Variants in CTTNBP2 observed in about 807,000 individuals in gnomAD.
CTTNBP2 encodes cortactin-binding protein 2.
CTTNBP2 carries 108 observed loss-of-function variants against 156.9 expected under a neutral mutation model. That is an observed-to-expected ratio of 0.69 (90% confidence interval 0.59 to 0.81). The LOEUF (loss-of-function observed/expected upper bound fraction) is 0.81. Among genes scored for constraint, CTTNBP2 ranks in the 30% least tolerant of loss-of-function variants. The pLI is 0.00. For synonymous variants in CTTNBP2, 767 were observed against 751.8 expected (o/e 1.02, Z -0.33); for missense variants, 1,924 against 2,035.4 (o/e 0.95, Z 1.05).
At position 117,717,933 on chromosome 7, in the gene CTTNBP2, CTG is replaced by C. The variant is rs765559397; in HGVS notation, c.4746+83_4746+84del. The C allele has an allele frequency of 2.7e-5, 23 of 845,428 alleles. 1 individual carries two copies. The East Asian group carries it at 3.7e-4, about 14-fold the overall frequency. The allele number at this position is 845,428 out of a possible 1,614,324, so 52.4% of individuals were successfully genotyped here. The stretch of plus-strand genomic sequence containing the variant: ...TTAGCTTTGGTTTAAAAAAATAACT[CTG>C]TGATTCACACTGAAAGATGATTTGT... On this transcript the variant is annotated intron_variant, in intron 22 of 22. Transcript: ENST00000160373.
intron 1 of CTTNBP2, among the ~76,000 whole-genome samples, chr7:117,873,000 C>G (rs1446626983): frequency 6.6e-6 from 1 of 152,180 alleles, no homozygotes; most frequent in Non-Finnish European, 1.5e-5. Context: ...TCCCAGCCTT[C>G]TCCCCCGGCC....
At chr7:117,801,883 G>A (rs1799626759) in intron 3 of CTTNBP2, among the ~76,000 whole-genome samples, 1 of 151,976 alleles carries the variant, frequency 6.6e-6, no homozygotes. Context: ...TTAAAAGTTT[G>A]GAAAATGTTT....
chr7:117,735,416 G>T lies in CTTNBP2; in HGVS notation c.3541C>A (p.Leu1181Met). The T allele has an allele frequency of 6.2e-7, 1 of 1,601,026 alleles. No individual in the cohort carries two copies. ...LLDLFISSAC[L>M]IPVKQSPSKK... ...CTGGGAGATTGTTTCACTGGGATCA[G>T]ACAAGCTATAATAAAAAAGGAAATT... is the stretch of plus-strand genomic sequence containing the variant. The change falls in exon 15 of 23, where the codon CTG (leucine) becomes ATG (methionine). Residue 1181 changes from leucine (L) to methionine (M), a missense_variant. Leu to Met is a conservative substitution (Grantham distance 15). Coordinates refer to ENST00000160373, the MANE Select transcript of CTTNBP2 (RefSeq NM_033427.3).
intron 8 of CTTNBP2, among the ~76,000 whole-genome samples, chr7:117,773,700 CA>C (rs1562992502): frequency 0.011 from 1,326 of 125,602 alleles, 25 homozygotes; most frequent in African/African-American, 0.026. Context: ...CACACACACA[CA>C]CACACACCCC....
intron 2 of CTTNBP2, among the ~76,000 whole-genome samples, chr7:117,823,401 A>G (rs1801085945): frequency 6.6e-6 from 1 of 152,234 alleles, no homozygotes; most frequent in African/African-American, 2.4e-5. Flanking sequence ...AATTTGCTTT[A>G]ATAGCTTAGA....
intron 3 of CTTNBP2, chr7:117,793,478 T>C (rs1335325550): frequency 6.6e-6 from 1 of 152,366 alleles, no homozygotes; most frequent in Non-Finnish European, 1.5e-5. Flanking sequence ...TTCCTAAACA[T>C]GGTCCTGCCT....
intron 3 of CTTNBP2, among the ~76,000 whole-genome samples, chr7:117,801,720 T>C (rs913738721): frequency 7.2e-5 from 11 of 152,094 alleles, no homozygotes; most frequent in Non-Finnish European, 1.5e-4. Context: ...GGAAAAAACA[T>C]CTGTGTGTGT....
At chr7:117,810,056 A>G (rs1177228063) in intron 3 of CTTNBP2, among the ~76,000 whole-genome samples, 1 of 152,128 alleles carries the variant, frequency 6.6e-6, no homozygotes, top group Non-Finnish European at 1.5e-5. Context: ...ACAAGTTTTC[A>G]TTGAACTTTG....
At chr7:117,838,611 T>A (rs537223599) in intron 2 of CTTNBP2, among the ~76,000 whole-genome samples, 38 of 152,192 alleles carry the variant, frequency 2.5e-4, no homozygotes, top group Non-Finnish European at 4.7e-4. Context: ...ATGAATTCAG[T>A]CATTTTAACA....
At chr7:117,821,261 T>C (rs941898725) in intron 2 of CTTNBP2, among the ~76,000 whole-genome samples, 6 of 152,134 alleles carry the variant, frequency 3.9e-5, no homozygotes, top group Non-Finnish European at 8.8e-5. Context: ...ACAAAAGTGC[T>C]GTAAAAGTGC....
intron 2 of CTTNBP2, among the ~76,000 whole-genome samples, chr7:117,839,507 T>C (rs7799738): frequency 0.012 from 1,793 of 152,336 alleles, 34 homozygotes; most frequent in African/African-American, 0.041. Flanking sequence ...AACACACTTG[T>C]AATGTGACAA....
chr7:117,804,652 C>T lies in CTTNBP2; in HGVS notation c.414+6113G>A, dbSNP rs532577338. ...GGATGGAGCTGGAAGCTATTATTCT[C>T]AGCAAACTAACATAGGAACAGAAAA... is the stretch of plus-strand genomic sequence containing the variant. On this transcript the variant is annotated intron_variant, in intron 3 of 22. Coordinates refer to ENST00000160373, the MANE Select transcript of CTTNBP2 (RefSeq NM_033427.3). Among the ~76,000 whole-genome samples the T allele has an allele frequency of 5.3e-5, 8 of 152,300 alleles. No individual in the cohort carries two copies. The South Asian group carries it at 1.7e-3, about 32-fold the overall frequency.
At chr7:117,772,812 A>G (rs1469924173) in intron 8 of CTTNBP2, among the ~76,000 whole-genome samples, 2 of 152,132 alleles carry the variant, frequency 1.3e-5, no homozygotes, top group Admixed American at 1.3e-4. Context: ...CAAAACCCAG[A>G]TCCATGAAAG....
chr7:117,799,842 G>A (rs1461495467), intron 3 of CTTNBP2, among the ~76,000 whole-genome samples: 1 of 151,962 alleles, frequency 6.6e-6, no homozygotes, highest in Non-Finnish European at 1.5e-5. Flanking sequence ...AACATACAAA[G>A]TCAATTGAAT....
intron 2 of CTTNBP2, among the ~76,000 whole-genome samples, chr7:117,855,270 G>T (rs1039113893): frequency 2.0e-5 from 3 of 151,290 alleles, no homozygotes; most frequent in South Asian, 4.2e-4. Context: ...CTGCCACCAT[G>T]CCTGGCTAAT....
chr7:117,758,724 T>C (rs1018049215), intron 10 of CTTNBP2, among the ~76,000 whole-genome samples: 2 of 152,204 alleles, frequency 1.3e-5, no homozygotes, highest in Non-Finnish European at 2.9e-5. Context: ...ATAACACTAA[T>C]AATTACCAAT....
chr7:117,840,189 T>G lies in CTTNBP2; in HGVS notation c.189+21020A>C, dbSNP rs1802189384. On this transcript the variant is annotated intron_variant, in intron 2 of 22. Transcript: ENST00000160373. Reference sequence around the variant, plus strand: ...ATGAATCCATCGGCTTTTGAATCATTGCTAGTTCCAGAAATAGCCTAGAAG... The same window carrying G: ...ATGAATCCATCGGCTTTTGAATCATGGCTAGTTCCAGAAATAGCCTAGAAG... Among the ~76,000 whole-genome samples the G allele has an allele frequency of 2.0e-5, 3 of 152,182 alleles. No individual in the cohort carries two copies. In the South Asian group the frequency reaches 6.2e-4, roughly 31 times the overall value.
intron 7 of CTTNBP2, among the ~76,000 whole-genome samples, chr7:117,780,002 C>T (rs1248341909): frequency 2.6e-5 from 4 of 152,084 alleles, no homozygotes; most frequent in South Asian, 2.1e-4. Flanking sequence ...TCAGGTGATC[C>T]GCCCATCTCA....
rs545646966 is a variant in CTTNBP2 at position 117,861,280 on chromosome 7, C to T, written c.118G>A (p.Glu40Lys). The T allele has an allele frequency of 9.3e-6, 15 of 1,613,510 alleles. No individual in the cohort carries two copies. The highest frequency in any genetic ancestry group is 1.7e-4 in the Middle Eastern group (1 of 6,040). The change falls in exon 2 of 23, where the codon GAG becomes AAG. Residue 40 changes from glutamate (E) to lysine (K), a missense_variant. By Grantham distance (56) the Glu-to-Lys change is moderately conservative (BLOSUM62 1). Transcript: ENST00000160373. ...ATCACGCTGAGGAGCATCCGCAGCT[C>T]GGATTTACTGAGAGTATCCACATCA... is the stretch of plus-strand genomic sequence containing the variant. ...EFDVDTLSKS[E>K]LRMLLSVMEG...
Sources: gnomAD v4.1 joint callset for allele counts (sites outside exome capture counted in the v4.1 genomes callset) on GRCh38, gnomAD v4.1.1 for gene constraint, MANE v1.5 for transcripts, NCBI Gene and HGNC (gene_info 2026-07-23, HGNC 2026-07-21) for gene names.